Variants in TCF4 observed in about 807,000 individuals in gnomAD.
TCF4 encodes the protein transcription factor 4.
In TCF4, 3 loss-of-function variants were observed where a neutral mutation model predicts 82.1. The observed-to-expected ratio is 0.04, with a 90% CI of 0.02 to 0.09. The LOEUF is 0.09. TCF4 is among the 10% of genes least tolerant of loss of function. TCF4 has a pLI of 1.00. For synonymous variants in TCF4, 276 were observed against 309.6 expected (o/e 0.89, Z 1.14); for missense variants, 518 against 852.7 (o/e 0.61, Z 4.89).
chr18:55,321,934 T>C, intron 8 of TCF4: 1 of 1,384,136 alleles, frequency 7.2e-7, no homozygotes. Flanking sequence ...CGCTCAACTT[T>C]GCGCAGCGGA....
chr18:55,352,740 T>C lies in TCF4; in HGVS notation c.370-1737A>G, dbSNP rs952010671. ...TAAAGTTTTGCATAAATCAGAAATC[T>C]AGTAACAAATAATTTATCATTTAGG... On this transcript the variant is annotated intron_variant, in intron 6 of 19. Coordinates refer to ENST00000354452, the MANE Select transcript of TCF4 (RefSeq NM_001083962.2). Among the ~76,000 whole-genome samples, 3 of 152,114 alleles carry C rather than the reference T, an allele frequency of 2.0e-5. No individual in the cohort carries two copies. The East Asian group carries it at 5.8e-4, about 29-fold the overall frequency.
At chr18:55,505,411 G>A (rs962019119) in intron 3 of TCF4, among the ~76,000 whole-genome samples, 4 of 152,032 alleles carry the variant, frequency 2.6e-5, no homozygotes, top group African/African-American at 9.7e-5. Flanking sequence ...CACTTATGCT[G>A]GGTACTCATG....
chr18:55,252,857 T>C (rs1942264), intron 15 of TCF4, among the ~76,000 whole-genome samples: 37,823 of 152,002 alleles, frequency 0.25, 4,826 homozygotes, highest in East Asian at 0.32. Context: ...TGTTTAAACA[T>C]TGTAGTTAGA....
At chr18:55,293,789 A>C (rs1303368749) in intron 8 of TCF4, among the ~76,000 whole-genome samples, 1 of 152,128 alleles carries the variant, frequency 6.6e-6, no homozygotes, top group Non-Finnish European at 1.5e-5. Context: ...CATGTGGATA[A>C]GCTATTCAGC....
chr18:55,508,832 C>T (rs972106046), intron 3 of TCF4, among the ~76,000 whole-genome samples: 1 of 152,174 alleles, frequency 6.6e-6, no homozygotes, highest in East Asian at 1.9e-4. Context: ...CTAAATGCTA[C>T]AAGGTTTCAT....
At chr18:55,515,261 G>A (rs1218703546) in intron 3 of TCF4, among the ~76,000 whole-genome samples, 3 of 152,076 alleles carry the variant, frequency 2.0e-5, no homozygotes, top group South Asian at 2.1e-4. Flanking sequence ...TAAAACTCAC[G>A]GAAAAAAATG....
At chr18:55,402,279 C>T in intron 6 of TCF4, 5 of 961,208 alleles carry the variant, frequency 5.2e-6, no homozygotes, top group Non-Finnish European at 6.2e-6. Context: ...AACAAACACA[C>T]CAACCCACCA....
At chr18:55,578,457 C>T (rs2097548382) in intron 3 of TCF4, among the ~76,000 whole-genome samples, 1 of 152,062 alleles carries the variant, frequency 6.6e-6, no homozygotes, top group South Asian at 2.1e-4. Context: ...AAAAATAGAG[C>T]ATCTCTAAAG....
At chr18:55,587,976 G>T (rs1268379360) in intron 1 of TCF4, 62 bp downstream of exon 1, 1 of 961,120 alleles carries the variant, frequency 1.0e-6, no homozygotes, top group East Asian at 1.2e-4. Context: ...GGGCCGCCGA[G>T]CCCGAACCCC....
intron 6 of TCF4, among the ~76,000 whole-genome samples, chr18:55,390,564 T>C (rs1329297346): frequency 1.3e-5 from 2 of 152,174 alleles, no homozygotes; most frequent in African/African-American, 4.8e-5. Context: ...TAGAGCTATA[T>C]GTGTAACTAT....
At chr18:55,563,039 G>A (rs963050542) in intron 3 of TCF4, among the ~76,000 whole-genome samples, 8 of 152,034 alleles carry the variant, frequency 5.3e-5, no homozygotes, top group Admixed American at 1.3e-4. Flanking sequence ...TACGAGTTAC[G>A]GACCAGCCTG....
chr18:55,630,070 C>A (rs899878311), intron 2 of TCF4, among the ~76,000 whole-genome samples: 1 of 151,952 alleles, frequency 6.6e-6, no homozygotes, highest in Non-Finnish European at 1.5e-5. Context: ...TTTTGAGCAC[C>A]ATCTGAAGAC....
At chr18:55,458,783 T>C (rs2095816419) in intron 5 of TCF4, among the ~76,000 whole-genome samples, 1 of 152,200 alleles carries the variant, frequency 6.6e-6, no homozygotes, top group Non-Finnish European at 1.5e-5. Flanking sequence ...TATTCTTCTC[T>C]AAACTAAAAA....
chr18:55,520,891 AC>A (rs2096927473), intron 3 of TCF4, among the ~76,000 whole-genome samples: 1 of 152,238 alleles, frequency 6.6e-6, no homozygotes, highest in East Asian at 1.9e-4. Context: ...TCCTTAAGCC[AC>A]TATAGGCTTG....
intron 16 of TCF4, 86 bp downstream of exon 16, chr18:55,234,462 T>C (rs770168486): frequency 1.5e-4 from 234 of 1,582,434 alleles, no homozygotes; most frequent in Non-Finnish European, 2.0e-4. Flanking sequence ...CAGTGCTTCT[T>C]GAGGGATGAA....
intron 6 of TCF4, among the ~76,000 whole-genome samples, chr18:55,370,549 G>A (rs2088796275): frequency 6.6e-6 from 1 of 152,102 alleles, no homozygotes; most frequent in Non-Finnish European, 1.5e-5. Flanking sequence ...GAGCTTAAGT[G>A]AGCACCTTAG....
chr18:55,586,076 C>A, intron 2 of TCF4: 1 of 1,425,472 alleles, frequency 7.0e-7, no homozygotes, highest in Non-Finnish European at 9.3e-7. Flanking sequence ...CGTTTCCTGG[C>A]AAAACTTCCG....
chr18:55,606,153 G>A (rs1005107393), intron 2 of TCF4, among the ~76,000 whole-genome samples: 1 of 152,106 alleles, frequency 6.6e-6, no homozygotes, highest in Non-Finnish European at 1.5e-5. Flanking sequence ...ATTCAATAAC[G>A]GTAACTACCC....
In TCF4 at chr18:55,261,811, G is replaced by A. The variant is rs578019802; in HGVS notation, c.923-278C>T. On this transcript the variant is annotated intron_variant, in intron 11 of 19. Transcript: ENST00000354452. ...GTTGATGAGCTGGTGAATGTAGCAA[G>A]CTATGTGACGGTCATTGCTGACAAG... Among the ~76,000 whole-genome samples, 3 of 152,290 alleles carry A rather than the reference G, an allele frequency of 2.0e-5. No individual in the cohort carries two copies. The South Asian group carries it at 6.2e-4, about 32-fold the overall frequency.
Sources: allele counts gnomAD v4.1 joint callset (sites outside exome capture counted in the v4.1 genomes callset), GRCh38; gene constraint gnomAD v4.1.1; transcripts MANE v1.5; gene names NCBI Gene and HGNC (gene_info 2026-07-23, HGNC 2026-07-21).